The following RBL1 variants were observed in gnomAD, a reference collection of about 807,000 sequenced individuals.
The protein encoded by RBL1 is RB transcriptional corepressor like 1.
In RBL1, 82 loss-of-function variants were observed where a neutral mutation model predicts 123.0. That is an observed-to-expected ratio of 0.67 (90% CI 0.56 to 0.80). RBL1 has a LOEUF of 0.80. Ranked by LOEUF, RBL1 falls within the 30% of genes least tolerant of loss-of-function variation. The pLI, the probability that RBL1 is intolerant of heterozygous loss-of-function variation, is 0.00. For synonymous variants in RBL1, 405 were observed against 441.3 expected (o/e 0.92, Z 1.03); for missense variants, 1,171 against 1,299.6 (o/e 0.90, Z 1.52).
intron 2 of RBL1, among the ~76,000 whole-genome samples, chr20:37,086,351 C>T (rs2065545287): frequency 6.6e-6 from 1 of 151,936 alleles, no homozygotes; most frequent in Non-Finnish European, 1.5e-5. Context: ...CTTAGGGAGG[C>T]CGAGGCGGGT....
chr20:37,012,927 C>G lies in RBL1; in HGVS notation c.2722+5352G>C, dbSNP rs1015910625. On this transcript the variant is annotated intron_variant, in intron 19 of 21. Coordinates refer to ENST00000373664, the MANE Select transcript of RBL1 (RefSeq NM_002895.5). Reference sequence around the variant, plus strand: ...CCGGGAGGGAGGTGGGGGGTTCAGCCCCCCCGCCAGCCAGCCGCCCCGTCC... The same window carrying G: ...CCGGGAGGGAGGTGGGGGGTTCAGCGCCCCCGCCAGCCAGCCGCCCCGTCC... Among the ~76,000 whole-genome samples, 12 of 146,846 alleles carry G rather than the reference C, an allele frequency of 8.2e-5. No individual in the cohort carries two copies. The East Asian group carries it at 1.5e-3, about 18-fold the overall frequency.
At chr20:37,062,787 C>T (rs1011642851) in intron 7 of RBL1, among the ~76,000 whole-genome samples, 1 of 150,468 alleles carries the variant, frequency 6.6e-6, no homozygotes, top group Non-Finnish European at 1.5e-5. Context: ...AACCCCATCT[C>T]TACTAAAAAT....
chr20:37,007,302 T>G (rs900575776), intron 20 of RBL1, 109 bp downstream of exon 20: 6 of 1,166,932 alleles, frequency 5.1e-6, no homozygotes, highest in Non-Finnish European at 7.4e-6. Context: ...GGACATGCTC[T>G]GATTAATTGC....
intron 19 of RBL1, among the ~76,000 whole-genome samples, chr20:37,007,994 A>C (rs999751209): frequency 2.6e-5 from 4 of 152,236 alleles, no homozygotes; most frequent in African/African-American, 9.6e-5. Flanking sequence ...TTTTCAGAGA[A>C]GGTTCAGCAA....
chr20:37,035,178 C>A, intron 15 of RBL1, 64 bp downstream of exon 15: 2 of 1,425,430 alleles, frequency 1.4e-6, no homozygotes, highest in Non-Finnish European at 9.6e-7. Flanking sequence ...TGATCTAATC[C>A]ACTAAGACAT....
At chr20:37,040,361 T>C in intron 13 of RBL1, 76 bp from the exon 14 acceptor site, 2 of 1,548,414 alleles carry the variant, frequency 1.3e-6, no homozygotes, top group Non-Finnish European at 8.7e-7. Flanking sequence ...TGTTTTCTTT[T>C]CTTTTTTTGA....
chr20:37,073,379 T>A (rs1294031623), intron 2 of RBL1, among the ~76,000 whole-genome samples: 1 of 152,142 alleles, frequency 6.6e-6, no homozygotes, highest in Non-Finnish European at 1.5e-5. Context: ...TTCACAGCTT[T>A]CAATTCATTG....
At chr20:37,032,623 T>C (rs201938338) in intron 16 of RBL1, 42 bp downstream of exon 16, 21 of 1,603,916 alleles carry the variant, frequency 1.3e-5, no homozygotes, top group African/African-American at 1.2e-4. Flanking sequence ...CTTTCTTCCA[T>C]TGATTAAACA....
intron 15 of RBL1, among the ~76,000 whole-genome samples, 185 bp from the exon 16 acceptor site, chr20:37,033,061 A>G (rs1199921837): frequency 6.8e-6 from 1 of 146,196 alleles, no homozygotes; most frequent in Admixed American, 7.1e-5. Flanking sequence ...TTGGTCACTC[A>G]GGCTGGAGTG....
At chr20:37,075,519 G>A (rs550230299) in intron 2 of RBL1, among the ~76,000 whole-genome samples, 25 of 152,034 alleles carry the variant, frequency 1.6e-4, no homozygotes, top group African/African-American at 5.1e-4. Context: ...GCAGTGGCGC[G>A]ATCTTGGCTC....
At chr20:37,087,431 A>T (rs2065567007) in intron 2 of RBL1, among the ~76,000 whole-genome samples, 1 of 152,048 alleles carries the variant, frequency 6.6e-6, no homozygotes. Flanking sequence ...AAAAAGATTT[A>T]AAAATATCAG....
At chr20:37,001,210 C>T (rs1274367337) in intron 21 of RBL1, among the ~76,000 whole-genome samples, 1 of 151,334 alleles carries the variant, frequency 6.6e-6, no homozygotes, top group African/African-American at 2.4e-5. Context: ...GCCGCCCCTA[C>T]TGGGAAGTGA....
intron 19 of RBL1, among the ~76,000 whole-genome samples, chr20:37,008,026 T>A (rs1462711499): frequency 6.6e-6 from 1 of 152,228 alleles, no homozygotes; most frequent in Non-Finnish European, 1.5e-5. Flanking sequence ...TACTTATAAG[T>A]CAAATTGGAA....
chr20:37,033,185 A>ATTTT (rs1157688842), intron 15 of RBL1, among the ~76,000 whole-genome samples: 1 of 123,296 alleles, frequency 8.1e-6, no homozygotes. Context: ...TGCCTGGTAA[A>ATTTT]TTTTTTTTTT....
chr20:37,006,000 A>C (rs1030357412), intron 20 of RBL1, among the ~76,000 whole-genome samples: 11 of 144,032 alleles, frequency 7.6e-5, no homozygotes, highest in Admixed American at 6.6e-4. Context: ...GGCCCAAGCG[A>C]TCCACCTACC....
intron 11 of RBL1, among the ~76,000 whole-genome samples, chr20:37,053,198 A>G (rs1189464183): frequency 2.0e-5 from 3 of 152,268 alleles, no homozygotes; most frequent in African/African-American, 4.8e-5. Flanking sequence ...TGACATTTAC[A>G]GAACACTCCA....
intron 15 of RBL1, among the ~76,000 whole-genome samples, chr20:37,033,087 A>G (rs568567331): frequency 5.7e-4 from 81 of 141,890 alleles, no homozygotes; most frequent in African/African-American, 2.1e-3. Context: ...GCGCCATCTC[A>G]GCTCACTGTG....
chr20:37,011,354 T>C (rs2064144767), intron 19 of RBL1, among the ~76,000 whole-genome samples: 1 of 152,008 alleles, frequency 6.6e-6, no homozygotes, highest in African/African-American at 2.4e-5. Flanking sequence ...AGGAAATTCA[T>C]TCTCCACTCC....
At position 36,998,724 on chromosome 20, in the gene RBL1, C is replaced by T. The variant is rs372378399; in HGVS notation, c.*35G>A. On this transcript the variant is annotated 3_prime_UTR_variant, in exon 22 of 22. Coordinates refer to ENST00000373664, the MANE Select transcript of RBL1 (RefSeq NM_002895.5). ...GAGCTCCAACTTTCTGCAGAACAAT[C>T]TGAAAGTGCTTTTATCATAGAAACA... is the stretch of plus-strand genomic sequence containing the variant. 11 of 1,564,316 alleles carry T rather than the reference C, an allele frequency of 7.0e-6. No homozygotes were observed. The highest frequency in any genetic ancestry group is 1.2e-5 in the South Asian group (1 of 86,044).
Sources: allele counts gnomAD v4.1 joint callset (sites outside exome capture counted in the v4.1 genomes callset), GRCh38; gene constraint gnomAD v4.1.1; transcripts MANE v1.5; gene names NCBI Gene and HGNC (gene_info 2026-07-23, HGNC 2026-07-21).